The following NOL4L variants were observed in gnomAD, a reference collection of about 807,000 sequenced individuals.
The protein encoded by NOL4L is nucleolar protein 4-like.
A neutral mutation model predicts 64.5 loss-of-function variants in NOL4L; 7 were observed. The observed-to-expected ratio is 0.11, with a 90% CI of 0.06 to 0.20. The LOEUF is 0.20. NOL4L is among the 10% of genes least tolerant of loss of function. NOL4L has a pLI of 1.00. For missense variants in NOL4L, 680 were observed against 967.1 expected, an observed-to-expected ratio of 0.70 and a Z score of 3.94; for synonymous variants, 413 against 401.0, an observed-to-expected ratio of 1.03 and a Z score of -0.36.
chr20:32,535,384 TC>T (rs1057501475), intron 1 of NOL4L: 4 of 158,098 alleles, frequency 2.5e-5, no homozygotes, highest in African/African-American at 9.7e-5. Context: ...GACCACACTC[TC>T]CCCATAAATA....
intron 4 of NOL4L, chr20:32,511,083 T>A: frequency 9.7e-6 from 3 of 308,092 alleles, no homozygotes; most frequent in South Asian, 6.6e-5. Context: ...CCACGTCCCC[T>A]CCTCCCCCTC....
chr20:32,556,278 G>T lies in NOL4L; in HGVS notation c.321+28292C>A, dbSNP rs559946790. ...CTTCAGCAAATATTTCCTTTGTGGG[G>T]GGGGGGGGTTTCCCTGGAGCCCCTC... On this transcript the variant is annotated intron_variant, in intron 1 of 10. Transcript: ENST00000621426. Among the ~76,000 whole-genome samples the T allele has an allele frequency of 2.7e-3, 404 of 152,142 alleles. 2 individuals are homozygous for T. Among genetic ancestry groups the T allele is most frequent in the Middle Eastern group, 0.02 (6 of 294 alleles).
chr20:32,483,332 G>A (rs1172338459), intron 4 of NOL4L: 3 of 980,782 alleles, frequency 3.1e-6, no homozygotes, highest in African/African-American at 1.8e-5. Context: ...GAAACGGCCC[G>A]ATCGCCGGGA....
At chr20:32,511,101 G>A (rs1012208947) in intron 4 of NOL4L, 16 of 299,934 alleles carry the variant, frequency 5.3e-5, no homozygotes, top group Middle Eastern at 1.0e-3. Flanking sequence ...CTCCTCCCAC[G>A]AGCCCACCCA....
intron 1 of NOL4L, among the ~76,000 whole-genome samples, chr20:32,577,100 A>G (rs1980166877): frequency 6.6e-6 from 1 of 152,136 alleles, no homozygotes; most frequent in Non-Finnish European, 1.5e-5. Flanking sequence ...CATCTACTTC[A>G]CAGAACCCAG....
At chr20:32,483,610 C>G in intron 4 of NOL4L, 1 of 329,656 alleles carries the variant, frequency 3.0e-6, no homozygotes, top group Non-Finnish European at 3.6e-6. Flanking sequence ...GGAGGGGGCA[C>G]CGGGCACGGG....
At position 32,453,756 on chromosome 20, in the gene NOL4L, G is replaced by C. The variant is rs138302372; in HGVS notation, c.1125C>G (p.Pro375=). The part of the protein sequence containing the change: ...KYGVKTTPES[P]PYSSGSYDSI... The stretch of plus-strand genomic sequence containing the variant: ...AATCGTAGCTCCCAGAGCTGTAGGG[G>C]GGGGACTAAAAGGAGGGCAAGAGGC... The change falls in exon 7 of 11, where the codon CCC becomes CCG. Residue 375 remains proline, a synonymous_variant. Coordinates refer to ENST00000621426, the MANE Select transcript of NOL4L (RefSeq NM_001256798.2). The surrounding 1 kb of genome is among the most constrained non-coding windows in gnomAD (Gnocchi z 5.6). 1.0e-5 allele frequency: 16 copies of C among 1,552,790 alleles called. No individual in the cohort carries two copies. Among genetic ancestry groups the C allele is most frequent in the Admixed American group, 2.0e-5 (1 of 51,026 alleles).
intron 3 of NOL4L, among the ~76,000 whole-genome samples, chr20:32,516,993 C>T (rs1428614010): frequency 6.6e-6 from 1 of 152,252 alleles, no homozygotes; most frequent in Admixed American, 6.5e-5. Flanking sequence ...GTCACACCCA[C>T]TTTGCATGCT....
intron 2 of NOL4L, among the ~76,000 whole-genome samples, chr20:32,524,954 C>A (rs2018077233): frequency 6.6e-6 from 1 of 152,218 alleles, no homozygotes; most frequent in East Asian, 1.9e-4. Flanking sequence ...GGCCTCACAC[C>A]CACGGCAGGA....
chr20:32,461,361 C>T lies in NOL4L; in HGVS notation c.842-4966G>A, dbSNP rs370601952. On this transcript the variant is annotated intron_variant, in intron 5 of 10. Transcript: ENST00000621426. ...TTCCAGGGCTCTGCGTAAAGGTCAC[C>T]TTCTCGGTAAGCCCAGCTCCCACCC... Among the ~76,000 whole-genome samples, 5 of 151,940 alleles carry T rather than the reference C, an allele frequency of 3.3e-5. No individual in the cohort carries two copies. In the East Asian group the frequency reaches 9.7e-4, roughly 29 times the overall value.
rs144597490 is a variant in NOL4L, at chr20:32,517,212, T to G, written c.589+3599A>C. Among the ~76,000 whole-genome samples the G allele has an allele frequency of 3.3e-3, 501 of 152,288 alleles. 4 individuals carry two copies. The highest frequency in any genetic ancestry group is 0.011 in the African/African-American group (474 of 41,564). ...GGCCACTCTACTTCCTTTCTTTCTT[T>G]TTAACATAAGGCCAGGAAGCCAGGC... is the stretch of plus-strand genomic sequence containing the variant. On this transcript the variant is annotated intron_variant, in intron 3 of 10. Coordinates refer to ENST00000621426, the MANE Select transcript of NOL4L (RefSeq NM_001256798.2).
chr20:32,456,069 C>T (rs571947266), intron 6 of NOL4L, 49 bp downstream of exon 6: 16 of 1,452,694 alleles, frequency 1.1e-5, no homozygotes, highest in Middle Eastern at 2.1e-4. Flanking sequence ...TCTCGCCTCG[C>T]GACAGCCCTT....
At chr20:32,487,721 C>T (rs903550507) in intron 4 of NOL4L, among the ~76,000 whole-genome samples, 6 of 151,966 alleles carry the variant, frequency 3.9e-5, no homozygotes, top group East Asian at 1.9e-4. Context: ...ATCTGAGTTA[C>T]GTTTTTAGAT....
At chr20:32,465,262 C>T (rs1255124534) in intron 5 of NOL4L, 1 of 422,922 alleles carries the variant, frequency 2.4e-6, no homozygotes, top group African/African-American at 2.1e-5. Flanking sequence ...CCAGAGGCTC[C>T]AGGGGGAAGT....
intron 4 of NOL4L, among the ~76,000 whole-genome samples, chr20:32,481,637 G>A (rs2015720077): frequency 1.3e-5 from 2 of 152,330 alleles, no homozygotes; most frequent in Admixed American, 6.5e-5. Context: ...AGCTCAAGAG[G>A]TGCTGTCTTA....
chr20:32,456,863 G>A (rs1015441628), intron 5 of NOL4L, among the ~76,000 whole-genome samples: 5 of 152,208 alleles, frequency 3.3e-5, no homozygotes, highest in African/African-American at 9.6e-5. Flanking sequence ...CCCTGCCCAC[G>A]GTGGGCCCTC....
intron 4 of NOL4L, among the ~76,000 whole-genome samples, chr20:32,506,404 G>A (rs1307473227): frequency 3.3e-5 from 5 of 152,024 alleles, no homozygotes; most frequent in African/African-American, 9.7e-5. Context: ...GCTCACACTT[G>A]TAATCCCAGC....
intron 1 of NOL4L, chr20:32,536,409 C>A: frequency 1.5e-6 from 1 of 686,398 alleles, no homozygotes; most frequent in Non-Finnish European, 1.8e-6. Flanking sequence ...GGGGAGTGGG[C>A]CGCGCTAATG....
intron 1 of NOL4L, among the ~76,000 whole-genome samples, chr20:32,543,900 TG>T (rs1378268380): frequency 6.6e-6 from 1 of 151,938 alleles, no homozygotes; most frequent in Non-Finnish European, 1.5e-5. Flanking sequence ...AAAAGGGTGG[TG>T]GACAGGGAGC....
Sources: gnomAD v4.1 joint callset for allele counts (sites outside exome capture counted in the v4.1 genomes callset) on GRCh38, gnomAD v4.1.1 for gene constraint, Gnocchi (gnomAD v3.1) non-coding constraint, MANE v1.5 for transcripts, NCBI Gene and HGNC (gene_info 2026-07-23, HGNC 2026-07-21) for gene names.